The following HS6ST3 variants were observed in gnomAD, a reference collection of about 807,000 sequenced individuals.
HS6ST3 encodes heparan sulfate 6-O-sulfotransferase 3.
HS6ST3 carries 12 observed loss-of-function variants against 36.7 expected under a neutral mutation model. That is an observed-to-expected ratio of 0.33 (90% CI 0.21 to 0.53). HS6ST3 has a LOEUF of 0.53. Among genes scored for constraint, HS6ST3 ranks in the 20% least tolerant of loss-of-function variants. The pLI, the probability that HS6ST3 is intolerant of heterozygous loss-of-function variation, is 0.95. For synonymous variants in HS6ST3, 240 were observed against 257.5 expected, an observed-to-expected ratio of 0.93 and a Z score of 0.65; for missense variants, 584 against 640.9, an observed-to-expected ratio of 0.91 and a Z score of 0.96.
intron 1 of HS6ST3, among the ~76,000 whole-genome samples, chr13:96,208,075 T>G (rs564736870): frequency 5.3e-5 from 8 of 152,212 alleles, no homozygotes; most frequent in African/African-American, 1.9e-4. Context: ...ACAGTTTCCT[T>G]TGTTGCTTTA....
chr13:96,335,266 G>T (rs894299516), intron 1 of HS6ST3, among the ~76,000 whole-genome samples: 1 of 152,194 alleles, frequency 6.6e-6, no homozygotes, highest in Admixed American at 6.5e-5. Flanking sequence ...ACTCTTGCAG[G>T]TTAAAAGAAG....
intron 1 of HS6ST3, among the ~76,000 whole-genome samples, chr13:96,430,929 G>A (rs1324188854): frequency 6.6e-6 from 1 of 152,090 alleles, no homozygotes. Flanking sequence ...ACAACATTTA[G>A]CTTGGTGCAG....
Position 96,831,954 on chromosome 13 carries a change from C to CAAAA in HS6ST3, c.708-513_708-510dup, listed in dbSNP as rs35266831. ...TGGGTGACAGAGCAAGACTCCCTCT[C>CAAAA]AAAAAAAAAAAAAAAAAAAAAAAAA... On this transcript the variant is annotated intron_variant, in intron 1 of 1. Coordinates refer to ENST00000376705, the MANE Select transcript of HS6ST3 (RefSeq NM_153456.4). Among the ~76,000 whole-genome samples, 195 of 21,844 alleles carry CAAAA rather than the reference C, an allele frequency of 8.9e-3. 41 individuals are homozygous for CAAAA. Among genetic ancestry groups the CAAAA allele is most frequent in the African/African-American group, 0.03 (162 of 5,424 alleles). 14.3% of individuals were successfully genotyped at this position (21,844 alleles called of 152,430 possible).
intron 1 of HS6ST3, among the ~76,000 whole-genome samples, chr13:96,326,374 G>A (rs1236848015): frequency 8.1e-6 from 1 of 124,016 alleles, no homozygotes; most frequent in East Asian, 2.3e-4. Flanking sequence ...TCCCCTTCCC[G>A]TGTCCATGTG....
chr13:96,823,724 A>G (rs368886647), intron 1 of HS6ST3, among the ~76,000 whole-genome samples: 123 of 152,094 alleles, frequency 8.1e-4, no homozygotes, highest in African/African-American at 2.8e-3. Context: ...TGTTCAAGCA[A>G]TTCTCCTACC....
chr13:96,156,222 A>G (rs1307123591), intron 1 of HS6ST3, among the ~76,000 whole-genome samples: 1 of 152,192 alleles, frequency 6.6e-6, no homozygotes, highest in East Asian at 1.9e-4. Context: ...CACAACAGAG[A>G]GGCAGACTCA....
At chr13:96,546,778 A>C (rs2056199443) in intron 1 of HS6ST3, among the ~76,000 whole-genome samples, 2 of 152,146 alleles carry the variant, frequency 1.3e-5, no homozygotes, top group Non-Finnish European at 2.9e-5. Flanking sequence ...CCCCAGGTGA[A>C]TCTCACATTT....
chr13:96,433,461 G>C (rs1171539429), intron 1 of HS6ST3, among the ~76,000 whole-genome samples: 1 of 152,168 alleles, frequency 6.6e-6, no homozygotes, highest in Admixed American at 6.5e-5. Flanking sequence ...TGTTCTTATG[G>C]TAGTGAATAA....
At chr13:96,228,697 A>G (rs2054492875) in intron 1 of HS6ST3, among the ~76,000 whole-genome samples, 1 of 152,172 alleles carries the variant, frequency 6.6e-6, no homozygotes, top group African/African-American at 2.4e-5. Flanking sequence ...CCTTATTTTA[A>G]TGCATTTCTT....
At chr13:96,479,167 A>G (rs16953447) in intron 1 of HS6ST3, among the ~76,000 whole-genome samples, 9,270 of 152,284 alleles carry the variant, frequency 0.061, 323 homozygotes, top group Middle Eastern at 0.12. Context: ...GGAGCACTCA[A>G]TTCAGCCTTA....
chr13:96,739,536 G>A (rs1876380897), intron 1 of HS6ST3, among the ~76,000 whole-genome samples: 1 of 151,954 alleles, frequency 6.6e-6, no homozygotes, highest in Admixed American at 6.6e-5. Flanking sequence ...TAGTTGTTCT[G>A]GCTAAAATCG....
intron 1 of HS6ST3, among the ~76,000 whole-genome samples, chr13:96,200,922 A>T (rs1421947860): frequency 6.6e-6 from 1 of 152,064 alleles, no homozygotes; most frequent in Non-Finnish European, 1.5e-5. Context: ...CTCTAGTGCC[A>T]CCCTTGGGCC....
chr13:96,641,014 A>G (rs1207224428), intron 1 of HS6ST3, among the ~76,000 whole-genome samples: 2 of 151,858 alleles, frequency 1.3e-5, no homozygotes, highest in African/African-American at 4.8e-5. Context: ...GTTTTGCTTC[A>G]GATTGCTTTG....
At chr13:96,296,663 C>T (rs1197130075) in intron 1 of HS6ST3, among the ~76,000 whole-genome samples, 1 of 152,004 alleles carries the variant, frequency 6.6e-6, no homozygotes, top group Non-Finnish European at 1.5e-5. Context: ...GGATGAGATC[C>T]TGATTATGTT....
chr13:96,696,483 G>A (rs1875131596), intron 1 of HS6ST3, among the ~76,000 whole-genome samples: 1 of 152,172 alleles, frequency 6.6e-6, no homozygotes, highest in East Asian at 1.9e-4. Flanking sequence ...GGAAGTATGT[G>A]CTCTGATGAA....
intron 1 of HS6ST3, among the ~76,000 whole-genome samples, chr13:96,108,100 C>T (rs1458609287): frequency 6.6e-6 from 1 of 152,050 alleles, no homozygotes; most frequent in Admixed American, 6.6e-5. Context: ...TTGCCGAAAA[C>T]GGGTAAGAGA....
In HS6ST3 at chr13:96,638,876, T is replaced by A. The variant is rs552176282; in HGVS notation, c.708-193614T>A. Reference sequence around the variant, plus strand: ...GTACTGTGGAGAATTAAAAAAAAAATAAGATACACTAAAAACTTAAAAGAT... The same window carrying A: ...GTACTGTGGAGAATTAAAAAAAAAAAAAGATACACTAAAAACTTAAAAGAT... On this transcript the variant is annotated intron_variant, in intron 1 of 1. Transcript: ENST00000376705. Among the ~76,000 whole-genome samples the A allele has an allele frequency of 2.6e-4, 40 of 151,804 alleles. No individual in the cohort carries two copies. In the South Asian group the frequency reaches 4.8e-3, roughly 18 times the overall value.
chr13:96,355,353 A>T (rs141337787), intron 1 of HS6ST3, among the ~76,000 whole-genome samples: 1 of 144,012 alleles, frequency 6.9e-6, no homozygotes, highest in Non-Finnish European at 1.5e-5. Context: ...GCATGAGTCT[A>T]TAGTTACACA....
intron 1 of HS6ST3, among the ~76,000 whole-genome samples, chr13:96,098,713 A>G (rs1247828973): frequency 6.6e-6 from 1 of 152,170 alleles, no homozygotes; most frequent in East Asian, 1.9e-4. Flanking sequence ...CCTGGATTTT[A>G]ATCTGATTCA....
Sources: allele counts gnomAD v4.1 joint callset (sites outside exome capture counted in the v4.1 genomes callset), GRCh38; gene constraint gnomAD v4.1.1; transcripts MANE v1.5; gene names NCBI Gene and HGNC (gene_info 2026-07-23, HGNC 2026-07-21).